The following SYT16 variants were observed in gnomAD, a reference collection of about 807,000 sequenced individuals.
The protein encoded by SYT16 is synaptotagmin 16.
Under a neutral mutation model 61.4 loss-of-function variants are expected in SYT16, and 42 were observed. That is an observed-to-expected ratio of 0.68 (90% CI 0.53 to 0.89). SYT16 has a LOEUF of 0.89. SYT16 is among the 40% of genes least tolerant of loss of function. The probability of loss-of-function intolerance (pLI) is 0.00; values close to 1 mark genes in which losing one functional copy is unlikely to be tolerated. For missense variants in SYT16, 804 were observed against 807.3 expected, an observed-to-expected ratio of 1.00 and a Z score of 0.05; for synonymous variants, 314 against 302.3, an observed-to-expected ratio of 1.04 and a Z score of -0.40.
At chr14:61,899,752 C>G (rs2048445214) in intron 1 of SYT16, among the ~76,000 whole-genome samples, 1 of 152,122 alleles carries the variant, frequency 6.6e-6, no homozygotes, top group South Asian at 2.1e-4. Flanking sequence ...CCCTGGGGAG[C>G]AATTGGGCTC....
At chr14:61,867,166 G>A (rs2047183823) in intron 1 of SYT16, among the ~76,000 whole-genome samples, 1 of 151,918 alleles carries the variant, frequency 6.6e-6, no homozygotes, top group Non-Finnish European at 1.5e-5. Flanking sequence ...TATATAATAA[G>A]TGTTGAAATC....
intron 1 of SYT16, among the ~76,000 whole-genome samples, chr14:61,866,993 A>T (rs996344641): frequency 6.6e-6 from 1 of 151,858 alleles, no homozygotes; most frequent in Non-Finnish European, 1.5e-5. Context: ...TTATTTTAAT[A>T]GCACTTGTTG....
At chr14:61,845,215 T>A (rs894336940) in intron 1 of SYT16, among the ~76,000 whole-genome samples, 1 of 151,748 alleles carries the variant, frequency 6.6e-6, no homozygotes, top group African/African-American at 2.4e-5. Flanking sequence ...GCCCAGCTAA[T>A]TTTTTGTATT....
chr14:61,873,346 A>AT, intron 1 of SYT16, among the ~76,000 whole-genome samples: 1 of 152,046 alleles, frequency 6.6e-6, no homozygotes, highest in Admixed American at 6.5e-5. Context: ...ATGGATAGGC[A>AT]TTTTTTCCTG....
chr14:61,931,702 A>G (rs1279621296), intron 1 of SYT16, among the ~76,000 whole-genome samples: 1 of 152,060 alleles, frequency 6.6e-6, no homozygotes, highest in Non-Finnish European at 1.5e-5. Context: ...CCTGCAATTA[A>G]TATCTTTGCT....
intron 1 of SYT16, among the ~76,000 whole-genome samples, chr14:61,843,975 T>C (rs1294546323): frequency 6.6e-6 from 1 of 152,172 alleles, no homozygotes; most frequent in Non-Finnish European, 1.5e-5. Flanking sequence ...TGCACTGAAT[T>C]TGTAGATTGC....
chr14:61,904,889 GTTAGAAACATAGCAATTA>G (rs771709277), intron 1 of SYT16, among the ~76,000 whole-genome samples: 13 of 152,184 alleles, frequency 8.5e-5, no homozygotes, highest in Non-Finnish European at 1.9e-4. Context: ...CCTCTGGGAG[GTTAGAAACATAGCAATTA>G]TTAAAAGCGG....
At chr14:61,862,246 T>C (rs889653328) in intron 1 of SYT16, among the ~76,000 whole-genome samples, 42 of 152,172 alleles carry the variant, frequency 2.8e-4, no homozygotes, top group African/African-American at 1.0e-3. Context: ...CCAAAAAATT[T>C]CCCTTGTCGC....
rs79938604 is a variant in SYT16, at chr14:61,870,384, T to G, written c.-325+57574T>G. The stretch of plus-strand genomic sequence containing the variant: ...GTAATGTGATATCTTTTTTTTTTCT[T>G]GCCTGCTTTTCAGTTTTTCTTTGTC... On this transcript the variant is annotated intron_variant, in intron 1 of 7. Transcript: ENST00000683842. 1.4e-3 allele frequency among the ~76,000 whole-genome samples: 207 copies of G among 152,248 alleles called. 1 individual carries two copies. The highest frequency in any genetic ancestry group is 4.9e-3 in the African/African-American group (203 of 41,566).
chr14:61,840,059 G>A (rs1376692114), intron 1 of SYT16, among the ~76,000 whole-genome samples: 2 of 152,284 alleles, frequency 1.3e-5, no homozygotes, highest in Non-Finnish European at 1.5e-5. Context: ...AGACATTTTG[G>A]AGACAGAATC....
intron 2 of SYT16, among the ~76,000 whole-genome samples, chr14:61,979,193 A>G (rs554929613): frequency 6.6e-6 from 1 of 152,228 alleles, no homozygotes; most frequent in Non-Finnish European, 1.5e-5. Flanking sequence ...ATAGGGATGT[A>G]GGAGTGGTCT....
At chr14:61,876,267 T>C (rs992721727) in intron 1 of SYT16, among the ~76,000 whole-genome samples, 15 of 152,360 alleles carry the variant, frequency 9.8e-5, no homozygotes, top group African/African-American at 2.2e-4. Flanking sequence ...TCAGGTTGCA[T>C]TTAACCAGGA....
At chr14:61,949,433 A>G (rs1382924601) in intron 1 of SYT16, among the ~76,000 whole-genome samples, 2 of 152,038 alleles carry the variant, frequency 1.3e-5, no homozygotes, top group African/African-American at 4.8e-5. Flanking sequence ...AATCTCATAT[A>G]TTTTTTTCTT....
At chr14:61,832,920 A>G (rs775885639) in intron 1 of SYT16, among the ~76,000 whole-genome samples, 1 of 152,070 alleles carries the variant, frequency 6.6e-6, no homozygotes, top group South Asian at 2.1e-4. Flanking sequence ...AAACTTGACT[A>G]TTTTGTAGTC....
At chr14:62,059,900 G>A (rs1309671378) in intron 3 of SYT16, among the ~76,000 whole-genome samples, 5 of 151,724 alleles carry the variant, frequency 3.3e-5, no homozygotes, top group African/African-American at 9.7e-5. Flanking sequence ...AATTACGTTG[G>A]CACTGTTGTG....
At position 62,101,679 on chromosome 14, in the gene SYT16, T is replaced by A. The variant is rs2141025323; in HGVS notation, c.*972T>A. On this transcript the variant is annotated 3_prime_UTR_variant, in exon 8 of 8. Coordinates refer to ENST00000683842, the MANE Select transcript of SYT16 (RefSeq NM_001367656.1). Reference sequence around the variant, plus strand: ...AGCATAGTAAATTGTACACAGTGAGTCCTTAATAAATATTGATTTGATTGA... The same window carrying A: ...AGCATAGTAAATTGTACACAGTGAGACCTTAATAAATATTGATTTGATTGA... The A allele has an allele frequency of 6.6e-6, 1 of 152,334 alleles. No homozygotes were observed. The highest frequency in any genetic ancestry group is 6.5e-5 in the Admixed American group (1 of 15,310). 9.4% of individuals were successfully genotyped at this position (152,334 alleles called of 1,614,324 possible).
intron 7 of SYT16, among the ~76,000 whole-genome samples, chr14:62,084,855 A>G (rs922924928): frequency 2.0e-5 from 3 of 152,238 alleles, no homozygotes; most frequent in Non-Finnish European, 4.4e-5. Context: ...AAAGATATTA[A>G]TAGTACCTTC....
chr14:62,079,614 G>A (rs1328634944), intron 5 of SYT16, among the ~76,000 whole-genome samples: 1 of 152,220 alleles, frequency 6.6e-6, no homozygotes, highest in African/African-American at 2.4e-5. Flanking sequence ...TTGAGGCATT[G>A]TATTATAATT....
chr14:62,018,567 A>G (rs1432035153), intron 3 of SYT16, among the ~76,000 whole-genome samples: 1 of 151,908 alleles, frequency 6.6e-6, no homozygotes, highest in Admixed American at 6.6e-5. Flanking sequence ...CTGGCCTCCC[A>G]AAGTGCTGGG....
Sources: gnomAD v4.1 joint callset for allele counts (sites outside exome capture counted in the v4.1 genomes callset) on GRCh38, gnomAD v4.1.1 for gene constraint, MANE v1.5 for transcripts, NCBI Gene and HGNC (gene_info 2026-07-23, HGNC 2026-07-21) for gene names.